Variants in EPHA3 observed in about 807,000 individuals in gnomAD.
EPHA3 encodes EPH receptor A3.
A neutral mutation model predicts 107.1 loss-of-function variants in EPHA3; 42 were observed. The ratio of observed to expected loss-of-function variants is 0.39; its 90% CI spans 0.31 to 0.51. The LOEUF (loss-of-function observed/expected upper bound fraction) is 0.51, where lower values mean the gene tolerates loss of function less well. Among genes scored for constraint, EPHA3 ranks in the 20% least tolerant of loss-of-function variants. EPHA3 has a pLI of 0.78. For missense variants in EPHA3, 1,183 were observed against 1,211.2 expected (o/e 0.98, Z 0.35); for synonymous variants, 461 against 424.8 (o/e 1.09, Z -1.05).
chr3:89,260,444 C>T (rs1048400024), intron 3 of EPHA3, among the ~76,000 whole-genome samples: 3 of 152,106 alleles, frequency 2.0e-5, no homozygotes, highest in Non-Finnish European at 4.4e-5. Flanking sequence ...TGATGTTGAG[C>T]ACCTTTTCAT....
chr3:89,409,189 G>A (rs1015719494), intron 9 of EPHA3, among the ~76,000 whole-genome samples: 2 of 151,992 alleles, frequency 1.3e-5, no homozygotes, highest in Admixed American at 1.3e-4. Flanking sequence ...ACACAAAAAA[G>A]CCAAAGTACT....
intron 3 of EPHA3, among the ~76,000 whole-genome samples, chr3:89,243,399 C>T (rs2107249109): frequency 6.6e-6 from 1 of 152,262 alleles, no homozygotes; most frequent in African/African-American, 2.4e-5. Flanking sequence ...TATTTCTCCA[C>T]ATCCTCTCTA....
intron 3 of EPHA3, among the ~76,000 whole-genome samples, chr3:89,237,326 G>T (rs1213211905): frequency 6.6e-6 from 1 of 152,190 alleles, no homozygotes; most frequent in East Asian, 1.9e-4. Context: ...AGCCGAGATG[G>T]TGCCACTGCA....
At chr3:89,450,424 C>G (rs2107555709) in intron 15 of EPHA3, 54 bp downstream of exon 15, 1 of 1,548,016 alleles carries the variant, frequency 6.5e-7, no homozygotes, top group Non-Finnish European at 8.8e-7. Context: ...TGTTTGCTAT[C>G]TCCAAGATGT....
intron 5 of EPHA3, among the ~76,000 whole-genome samples, chr3:89,351,568 AC>A (rs544602042): frequency 1.0e-4 from 15 of 150,302 alleles, no homozygotes; most frequent in East Asian, 5.9e-4. Context: ...TGCAGAAATC[AC>A]CCGTCTTCTG....
chr3:89,278,084 T>C (rs1003221911), intron 3 of EPHA3, among the ~76,000 whole-genome samples: 4 of 152,180 alleles, frequency 2.6e-5, no homozygotes, highest in Non-Finnish European at 5.9e-5. Context: ...TCTAAAAACA[T>C]GTGTAATTCC....
At chr3:89,180,193 A>AT (rs1045823115) in intron 2 of EPHA3, among the ~76,000 whole-genome samples, 177 of 151,394 alleles carry the variant, frequency 1.2e-3, no homozygotes, top group Middle Eastern at 6.8e-3. Context: ...CTCAACATTA[A>AT]TTTTTTTTTC....
chr3:89,412,197 T>A (rs188821962), intron 9 of EPHA3, among the ~76,000 whole-genome samples: 9 of 151,862 alleles, frequency 5.9e-5, no homozygotes, highest in African/African-American at 2.2e-4. Flanking sequence ...GCAAATTGTC[T>A]CCACTGTTAT....
intron 3 of EPHA3, among the ~76,000 whole-genome samples, chr3:89,294,416 A>G (rs1489600565): frequency 1.3e-5 from 2 of 152,166 alleles, no homozygotes; most frequent in Non-Finnish European, 2.9e-5. Flanking sequence ...AAGTAGCCCA[A>G]TGCTCTTCAC....
At chr3:89,247,125 C>G (rs891717467) in intron 3 of EPHA3, among the ~76,000 whole-genome samples, 3 of 152,072 alleles carry the variant, frequency 2.0e-5, no homozygotes, top group Non-Finnish European at 2.9e-5. Flanking sequence ...TCCCAGTCAT[C>G]ATTACCAAAA....
At chr3:89,286,158 G>GTC (rs1304989082) in intron 3 of EPHA3, among the ~76,000 whole-genome samples, 5 of 149,410 alleles carry the variant, frequency 3.3e-5, no homozygotes, top group African/African-American at 1.2e-4. Flanking sequence ...GTGTGTGTGT[G>GTC]TGTTTCCATA....
At chr3:89,413,358 G>A (rs973658251) in intron 10 of EPHA3, 92 bp downstream of exon 10, 6 of 1,486,920 alleles carry the variant, frequency 4.0e-6, no homozygotes, top group South Asian at 3.5e-5. Context: ...AAAGAAATGG[G>A]AATTTTCTGA....
intron 3 of EPHA3, 100 bp downstream of exon 3, chr3:89,210,620 G>A: frequency 7.8e-7 from 1 of 1,281,876 alleles, no homozygotes. Flanking sequence ...TCACTTGGCA[G>A]GAAAACATGC....
chr3:89,194,384 C>A (rs1490126417), intron 2 of EPHA3, among the ~76,000 whole-genome samples: 3 of 151,906 alleles, frequency 2.0e-5, no homozygotes, highest in Non-Finnish European at 2.9e-5. Flanking sequence ...TCCCTTCTGC[C>A]TTGCAGAAAC....
chr3:89,211,820 C>CCTT lies in EPHA3; in HGVS notation c.814+1303_814+1305dup, dbSNP rs35975845. Among the ~76,000 whole-genome samples, 231 of 95,472 alleles carry CCTT rather than the reference C, an allele frequency of 2.4e-3. 15 individuals are homozygous for CCTT. The highest frequency in any genetic ancestry group is 0.01 in the African/African-American group (173 of 16,660). The allele number at this position is 95,472 out of a possible 152,430, so 62.6% of individuals were successfully genotyped here. On this transcript the variant is annotated intron_variant, in intron 3 of 16. Coordinates refer to ENST00000336596, the MANE Select transcript of EPHA3 (RefSeq NM_005233.6). ...TTCTTCTTCTTCTTCTTCTTCTTCTCCTTCTCCTCCTCCTCCTCTTTCTTT... is the reference window on the plus strand; with the variant it reads ...TTCTTCTTCTTCTTCTTCTTCTTCTCCTTCTTCTCCTCCTCCTCCTCTTTCTTT...
chr3:89,164,659 T>C (rs554800830), intron 2 of EPHA3, among the ~76,000 whole-genome samples: 1 of 152,232 alleles, frequency 6.6e-6, no homozygotes, highest in Non-Finnish European at 1.5e-5. Context: ...TTTTCTTTTA[T>C]GGAGAAAAAA....
At chr3:89,205,038 T>G (rs1706066699) in intron 2 of EPHA3, among the ~76,000 whole-genome samples, 1 of 152,182 alleles carries the variant, frequency 6.6e-6, no homozygotes, top group African/African-American at 2.4e-5. Flanking sequence ...TGCATTTCCC[T>G]TATATTGTCA....
chr3:89,421,983 A>G (rs565123534), intron 11 of EPHA3, among the ~76,000 whole-genome samples: 1 of 151,356 alleles, frequency 6.6e-6, no homozygotes, highest in South Asian at 2.1e-4. Flanking sequence ...AATTTGATAT[A>G]TCTCCCTGGT....
chr3:89,419,522 A>G (rs1709315837), intron 11 of EPHA3, 132 bp downstream of exon 11: 2 of 674,124 alleles, frequency 3.0e-6, no homozygotes, highest in Non-Finnish European at 4.7e-6. Context: ...AAAGTTTAGG[A>G]ATAGCATGCC....
Sources: allele counts gnomAD v4.1 joint callset (sites outside exome capture counted in the v4.1 genomes callset), GRCh38; gene constraint gnomAD v4.1.1; transcripts MANE v1.5; gene names NCBI Gene and HGNC (gene_info 2026-07-23, HGNC 2026-07-21).